Variants in ARMC2 observed in about 807,000 individuals in gnomAD.
The protein encoded by ARMC2 is armadillo repeat containing 2, also known as armadillo repeat-containing protein 2.
ARMC2 carries 67 observed loss-of-function variants against 90.3 expected under a neutral mutation model. That is an observed-to-expected ratio of 0.74 (90% CI 0.61 to 0.91). The LOEUF is 0.91. ARMC2 is among the 40% of genes least tolerant of loss of function. The probability of loss-of-function intolerance (pLI) is 0.00; values close to 1 mark genes in which losing one functional copy is unlikely to be tolerated. For synonymous variants in ARMC2, 393 were observed against 393.0 expected, an observed-to-expected ratio of 1.00 and a Z score of 0.00; for missense variants, 920 against 1,030.9, an observed-to-expected ratio of 0.89 and a Z score of 1.47.
intron 11 of ARMC2, among the ~76,000 whole-genome samples, chr6:108,934,809 A>G (rs1487013953): frequency 6.6e-6 from 1 of 152,160 alleles, no homozygotes; most frequent in Non-Finnish European, 1.5e-5. Context: ...TCTTATTATT[A>G]TTCTAATCTC....
intron 5 of ARMC2, among the ~76,000 whole-genome samples, chr6:108,882,280 C>CA (rs978302053): frequency 1.3e-4 from 19 of 150,438 alleles, no homozygotes; most frequent in African/African-American, 4.1e-4. Context: ...ACTAAAAATA[C>CA]AAAAAAAAAT....
chr6:108,929,423 C>T (rs894450159), intron 11 of ARMC2, among the ~76,000 whole-genome samples: 1 of 152,086 alleles, frequency 6.6e-6, no homozygotes, highest in Admixed American at 6.6e-5. Context: ...AGACCTGTAC[C>T]ACACTGTACT....
chr6:108,855,935 A>G (rs78198063), intron 2 of ARMC2, among the ~76,000 whole-genome samples: 1,798 of 152,234 alleles, frequency 0.012, 32 homozygotes, highest in African/African-American at 0.042. Context: ...AGAATTATTT[A>G]TGTATTTTGG....
intron 11 of ARMC2, among the ~76,000 whole-genome samples, chr6:108,931,841 A>G (rs1375705438): frequency 6.6e-6 from 1 of 150,928 alleles, no homozygotes; most frequent in African/African-American, 2.5e-5. Context: ...TCGGCTCACC[A>G]TAACCTCTGC....
At chr6:108,856,387 T>C (rs1774614606) in intron 2 of ARMC2, 1 of 175,626 alleles carries the variant, frequency 5.7e-6, no homozygotes, top group Non-Finnish European at 1.2e-5. Flanking sequence ...GATAACATCC[T>C]TGGCTTGAGA....
chr6:109,019,970 C>T, the ARMC2 span, among the ~76,000 whole-genome samples: 1 of 152,156 alleles, frequency 6.6e-6, no homozygotes, highest in Non-Finnish European at 1.5e-5. Flanking sequence ...AAAATCTAAA[C>T]TTCAAAAGAT....
intron 2 of ARMC2, 133 bp from the exon 3 acceptor site, chr6:108,858,066 G>T: frequency 1.8e-6 from 1 of 561,904 alleles, no homozygotes; most frequent in Non-Finnish European, 3.0e-6. Flanking sequence ...ACAATAACAT[G>T]AAAAAATGTT....
intron 8 of ARMC2, among the ~76,000 whole-genome samples, chr6:108,904,658 AAAGAAG>A (rs1320779278): frequency 2.7e-5 from 4 of 147,660 alleles, no homozygotes; most frequent in Non-Finnish European, 3.0e-5. Context: ...AAAAAAAAAA[AAAGAAG>A]AAGAAGAAGG....
At chr6:108,941,266 C>A (rs562793312) in intron 12 of ARMC2, among the ~76,000 whole-genome samples, 1 of 152,158 alleles carries the variant, frequency 6.6e-6, no homozygotes, top group Non-Finnish European at 1.5e-5. Flanking sequence ...CCTGTGAGGC[C>A]TCCCAAGCAA....
intron 4 of ARMC2, among the ~76,000 whole-genome samples, chr6:108,873,093 T>G (rs1776586910): frequency 6.6e-6 from 1 of 152,192 alleles, no homozygotes; most frequent in African/African-American, 2.4e-5. Flanking sequence ...ATAGTCAATA[T>G]TTTAGACCTG....
chr6:108,940,120 A>T (rs2061429538), intron 12 of ARMC2, among the ~76,000 whole-genome samples: 1 of 152,206 alleles, frequency 6.6e-6, no homozygotes, highest in Non-Finnish European at 1.5e-5. Flanking sequence ...GAACCTCATA[A>T]CCAAGCTTAT....
the ARMC2 span, among the ~76,000 whole-genome samples, chr6:108,983,836 A>G: frequency 2.0e-5 from 3 of 152,224 alleles, no homozygotes; most frequent in Admixed American, 6.5e-5. Flanking sequence ...CTGGGTGACC[A>G]TGAGATGTCT....
At chr6:109,004,414 A>G in the ARMC2 span, among the ~76,000 whole-genome samples, 1 of 152,098 alleles carries the variant, frequency 6.6e-6, no homozygotes, top group Non-Finnish European at 1.5e-5. Context: ...ATTACTATAA[A>G]TCAATACGAA....
Position 108,877,015 on chromosome 6 carries a change from T to G in ARMC2, c.671+665T>G, listed in dbSNP as rs1038060992. On this transcript the variant is annotated intron_variant, in intron 5 of 17. Coordinates refer to ENST00000392644, the MANE Select transcript of ARMC2 (RefSeq NM_032131.6). ...ACCCTGGTATTTTACTGAAGAAACC[T>G]TGAGTATTTGGTGGCTGGAATGGGG... 2.0e-5 allele frequency among the ~76,000 whole-genome samples: 3 copies of G among 152,200 alleles called. No individual in the cohort carries two copies. The South Asian group carries it at 6.2e-4, about 32-fold the overall frequency.
At chr6:108,916,145 C>T (rs576902592) in intron 10 of ARMC2, among the ~76,000 whole-genome samples, 2 of 152,236 alleles carry the variant, frequency 1.3e-5, no homozygotes, top group African/African-American at 2.4e-5. Context: ...TATATGTATA[C>T]GTATGGCTGT....
chr6:108,931,137 A>G (rs561929432), intron 11 of ARMC2, among the ~76,000 whole-genome samples: 2 of 151,564 alleles, frequency 1.3e-5, no homozygotes, highest in Non-Finnish European at 2.9e-5. Context: ...ATAAGTTCTC[A>G]TCATTTAGCT....
At chr6:108,973,293 T>A in intron 17 of ARMC2, 64 bp from the exon 18 acceptor site, 1 of 1,409,938 alleles carries the variant, frequency 7.1e-7, no homozygotes, top group African/African-American at 1.4e-5. Context: ...ATCATCAAAA[T>A]TAAACTATAT....
the ARMC2 span, among the ~76,000 whole-genome samples, chr6:109,020,957 CATT>C: frequency 6.6e-6 from 1 of 152,142 alleles, no homozygotes; most frequent in Non-Finnish European, 1.5e-5. Context: ...TTTGCTTTGT[CATT>C]ATCATTAATA....
At chr6:108,999,136 G>C in the ARMC2 span, 1 of 161,290 alleles carries the variant, frequency 6.2e-6, no homozygotes. Flanking sequence ...GCTGCTGTGT[G>C]AAACGCCTGT....
Sources: gnomAD v4.1 joint callset for allele counts (sites outside exome capture counted in the v4.1 genomes callset) on GRCh38, gnomAD v4.1.1 for gene constraint, MANE v1.5 for transcripts, NCBI Gene and HGNC (gene_info 2026-07-23, HGNC 2026-07-21) for gene names.